GALC: variants seen among roughly 807,000 people sequenced by gnomAD.
The protein encoded by GALC is galactosylceramidase, also known as galactocerebrosidase.
In GALC, 77 loss-of-function variants were observed where a neutral mutation model predicts 91.8. The observed-to-expected ratio is 0.84, with a 90% CI of 0.70 to 1.01. The LOEUF (loss-of-function observed/expected upper bound fraction) is 1.01. Among genes scored for constraint, GALC ranks in the 50% least tolerant of loss-of-function variants. The pLI is 0.00. For synonymous variants in GALC, 357 were observed against 306.7 expected, an observed-to-expected ratio of 1.16 and a Z score of -1.71; for missense variants, 882 against 855.9, an observed-to-expected ratio of 1.03 and a Z score of -0.38.
At chr14:87,988,719 C>G in intron 1 of GALC, among the ~76,000 whole-genome samples, 196 bp from the exon 2 acceptor site, 1 of 149,196 alleles carries the variant, frequency 6.7e-6, no homozygotes, top group East Asian at 1.9e-4. Flanking sequence ...GTCTGTCCGA[C>G]AGCTAAAAAA....
At chr14:87,940,696 T>C (rs1487770631) in intron 15 of GALC, among the ~76,000 whole-genome samples, 1 of 151,920 alleles carries the variant, frequency 6.6e-6, no homozygotes, top group Non-Finnish European at 1.5e-5. Flanking sequence ...ATTTTATTTA[T>C]GGAGTCAAAG....
intron 5 of GALC, among the ~76,000 whole-genome samples, chr14:87,983,970 T>C (rs1886857517): frequency 1.3e-5 from 2 of 152,100 alleles, no homozygotes; most frequent in African/African-American, 2.4e-5. Context: ...CCCAAAACTA[T>C]TTATGCTCTG....
At chr14:87,982,314 A>G in intron 5 of GALC, 71 bp from the exon 6 acceptor site, 2 of 992,148 alleles carry the variant, frequency 2.0e-6, no homozygotes, top group Non-Finnish European at 1.6e-6. Flanking sequence ...TATCGTTACG[A>G]TACCATTTCT....
At chr14:87,970,929 A>C (rs370002473) in intron 7 of GALC, among the ~76,000 whole-genome samples, 13 of 152,050 alleles carry the variant, frequency 8.5e-5, no homozygotes, top group African/African-American at 2.6e-4. Flanking sequence ...TAAGTAGGCA[A>C]ACATTCTCTA....
intron 14 of GALC, among the ~76,000 whole-genome samples, chr14:87,944,076 C>A (rs532735809): frequency 3.9e-4 from 60 of 152,066 alleles, no homozygotes; most frequent in African/African-American, 1.4e-3. Flanking sequence ...CTTCTACACC[C>A]TTCCCCATCC....
intron 3 of GALC, among the ~76,000 whole-genome samples, 154 bp from the exon 4 acceptor site, chr14:87,986,756 A>G (rs2139755583): frequency 6.6e-6 from 1 of 151,898 alleles, no homozygotes; most frequent in East Asian, 1.9e-4. Context: ...TTACACAACT[A>G]AAGGATGGAT....
At chr14:87,971,895 T>A (rs1309062547) in intron 7 of GALC, among the ~76,000 whole-genome samples, 1 of 151,846 alleles carries the variant, frequency 6.6e-6, no homozygotes, top group Non-Finnish European at 1.5e-5. Context: ...AGAATCCAAG[T>A]TGAATAAGGC....
intron 10 of GALC, among the ~76,000 whole-genome samples, chr14:87,957,049 G>C (rs1885588891): frequency 6.6e-6 from 1 of 151,720 alleles, no homozygotes; most frequent in African/African-American, 2.4e-5. Flanking sequence ...TGTTTTTCTG[G>C]CTATAGACAT....
intron 14 of GALC, among the ~76,000 whole-genome samples, chr14:87,943,341 A>C (rs1220623268): frequency 6.6e-6 from 1 of 152,026 alleles, no homozygotes; most frequent in African/African-American, 2.4e-5. Context: ...ATCCCATATA[A>C]TCAAATTACT....
At chr14:87,950,302 T>A (rs1478199420) in intron 11 of GALC, among the ~76,000 whole-genome samples, 1 of 151,962 alleles carries the variant, frequency 6.6e-6, no homozygotes, top group Non-Finnish European at 1.5e-5. Flanking sequence ...AACCTAACAA[T>A]TCACAGAAAT....
chr14:87,963,353 A>T, intron 10 of GALC, 31 bp downstream of exon 10: 1 of 1,605,716 alleles, frequency 6.2e-7, no homozygotes, highest in South Asian at 1.1e-5. Flanking sequence ...TAAAGAAGTG[A>T]GTTAATCCAA....
intron 6 of GALC, among the ~76,000 whole-genome samples, chr14:87,977,043 G>A (rs78491859): frequency 1.6e-5 from 2 of 128,702 alleles, no homozygotes; most frequent in East Asian, 4.5e-4. Context: ...GGGGGGGGGG[G>A]GATGAAACAA....
chr14:87,985,337 G>A (rs41430647), intron 4 of GALC, among the ~76,000 whole-genome samples: 2,779 of 152,246 alleles, frequency 0.018, 38 homozygotes, highest in Middle Eastern at 0.031. Flanking sequence ...AAACTCAGGA[G>A]GAACACCCAA....
rs894879931 is a variant in GALC at position 87,933,697 on chromosome 14, T to C, written c.*1035A>G. On this transcript the variant is annotated 3_prime_UTR_variant, in exon 17 of 17. Coordinates refer to ENST00000261304, the MANE Select transcript of GALC (RefSeq NM_000153.4). ...CTACATGAATAACTGATTTGCTACA[T>C]AGAGCCACATTAATGCTTAGTATAA... is the stretch of plus-strand genomic sequence containing the variant. The C allele has an allele frequency of 2.9e-6, 1 of 346,374 alleles. No homozygotes were observed. Among genetic ancestry groups the C allele is most frequent in the East Asian group, 4.3e-5 (1 of 23,292 alleles). The allele number at this position is 346,374 out of a possible 1,614,324, so 21.5% of individuals were successfully genotyped here. A position where few individuals can be genotyped will look rare whatever the true frequency, so the allele number is the denominator to read the frequency against.
At chr14:87,989,770 A>G (rs1326639122) in intron 1 of GALC, 1 of 152,216 alleles carries the variant, frequency 6.6e-6, no homozygotes, top group Non-Finnish European at 1.5e-5. Context: ...TAACCTTCCC[A>G]AAATACAAAT....
At chr14:87,935,155 T>C (rs749257533) in intron 16 of GALC, among the ~76,000 whole-genome samples, 1 of 152,040 alleles carries the variant, frequency 6.6e-6, no homozygotes, top group Non-Finnish European at 1.5e-5. Flanking sequence ...ACCAACAAAA[T>C]GCAAAACTTT....
intron 7 of GALC, among the ~76,000 whole-genome samples, chr14:87,975,872 G>A (rs949505745): frequency 1.3e-5 from 2 of 152,014 alleles, no homozygotes; most frequent in Non-Finnish European, 2.9e-5. Context: ...AATGAGGTCA[G>A]GGCCCAGAGT....
chr14:87,960,132 G>A (rs930493639), intron 10 of GALC, among the ~76,000 whole-genome samples: 4 of 151,886 alleles, frequency 2.6e-5, no homozygotes, highest in African/African-American at 7.2e-5. Context: ...AGACACTGGG[G>A]TGGGGCTGGG....
At chr14:87,978,825 CA>C (rs575209127) in intron 6 of GALC, among the ~76,000 whole-genome samples, 2,384 of 112,302 alleles carry the variant, frequency 0.021, 53 homozygotes, top group African/African-American at 0.069. Context: ...ATATCAGTAG[CA>C]AAAAAAAAAA....
Sources: allele counts gnomAD v4.1 joint callset (sites outside exome capture counted in the v4.1 genomes callset), GRCh38; gene constraint gnomAD v4.1.1; transcripts MANE v1.5; gene names NCBI Gene and HGNC (gene_info 2026-07-23, HGNC 2026-07-21).